ZBTB20: variants seen among roughly 807,000 people sequenced by gnomAD.
ZBTB20 encodes the protein zinc finger and BTB domain-containing protein 20.
Under a neutral mutation model 56.9 loss-of-function variants are expected in ZBTB20, and 9 were observed. That is an observed-to-expected ratio of 0.16 (90% CI 0.10 to 0.28). ZBTB20 has a LOEUF of 0.28. ZBTB20 is among the 10% of genes least tolerant of loss of function. The pLI, the probability that ZBTB20 is intolerant of heterozygous loss-of-function variation, is 1.00. For synonymous variants in ZBTB20, 417 were observed against 420.7 expected (o/e 0.99, Z 0.11); for missense variants, 655 against 1,003.0 (o/e 0.65, Z 4.69).
chr3:114,842,830 G>T (rs939959113), intron 4 of ZBTB20, among the ~76,000 whole-genome samples: 1 of 152,138 alleles, frequency 6.6e-6, no homozygotes, highest in Non-Finnish European at 1.5e-5. Context: ...GATCCAAAAA[G>T]AATGAATCTC....
intron 3 of ZBTB20, among the ~76,000 whole-genome samples, chr3:114,939,065 T>C (rs1576376630): frequency 6.9e-6 from 1 of 145,504 alleles, no homozygotes; most frequent in Admixed American, 6.6e-5. Flanking sequence ...TCAGGGTGAA[T>C]GTTGTGGTGG....
At chr3:114,624,241 G>C (rs2058512092) in intron 6 of ZBTB20, 1 of 151,928 alleles carries the variant, frequency 6.6e-6, no homozygotes, top group Admixed American at 6.6e-5. Context: ...GTGTTCCAGA[G>C]TGCTGAAGCA....
Position 114,811,702 on chromosome 3 carries a change from A to C in ZBTB20, c.-416-10528T>G, listed in dbSNP as rs144410255. Among the ~76,000 whole-genome samples the C allele has an allele frequency of 2.4e-4, 36 of 152,352 alleles. No individual in the cohort carries two copies. The East Asian group carries it at 6.9e-3, about 29-fold the overall frequency. The stretch of plus-strand genomic sequence containing the variant: ...TCTCATTAAAGTGTCATAACCTTTA[A>C]TCTAGGAACCCGTAATAGTAAAGAT... On this transcript the variant is annotated intron_variant, in intron 4 of 11. Transcript: ENST00000675478.
chr3:114,988,182 G>A (rs1234349396), intron 2 of ZBTB20, among the ~76,000 whole-genome samples: 25 of 147,420 alleles, frequency 1.7e-4, no homozygotes, highest in South Asian at 8.7e-4. Context: ...GTACCATGTT[G>A]GTGTGCTGCA....
At chr3:114,466,679 A>G (rs1384327990) in intron 7 of ZBTB20, among the ~76,000 whole-genome samples, 3 of 152,226 alleles carry the variant, frequency 2.0e-5, no homozygotes, top group Non-Finnish European at 4.4e-5. Context: ...CCAAATCACA[A>G]CACATGTGCA....
chr3:114,444,954 C>A (rs1455875984), intron 7 of ZBTB20, among the ~76,000 whole-genome samples: 1 of 152,084 alleles, frequency 6.6e-6, no homozygotes, highest in African/African-American at 2.4e-5. Flanking sequence ...ACCAGATATT[C>A]CAATATTCCA....
chr3:115,125,348 A>T (rs2084299564), intron 1 of ZBTB20, among the ~76,000 whole-genome samples: 1 of 106,476 alleles, frequency 9.4e-6, no homozygotes, highest in Non-Finnish European at 2.0e-5. Context: ...GCCTCAAATA[A>T]AAAAAAAAAA....
chr3:114,463,310 T>C (rs1425877224), intron 7 of ZBTB20, among the ~76,000 whole-genome samples: 1 of 152,194 alleles, frequency 6.6e-6, no homozygotes, highest in Non-Finnish European at 1.5e-5. Context: ...GTACGGTAGC[T>C]TGAATATTTT....
At chr3:114,769,896 T>C (rs553914944) in intron 5 of ZBTB20, among the ~76,000 whole-genome samples, 2 of 151,178 alleles carry the variant, frequency 1.3e-5, no homozygotes, top group South Asian at 4.2e-4. Flanking sequence ...CTGTCTCTAA[T>C]AAAAATACAA....
intron 2 of ZBTB20, among the ~76,000 whole-genome samples, chr3:115,036,906 T>C (rs2080948211): frequency 6.6e-6 from 1 of 152,094 alleles, no homozygotes; most frequent in Admixed American, 6.5e-5. Flanking sequence ...ACCAAGAACA[T>C]TCCCCCTAGC....
Position 114,522,287 on chromosome 3 carries a change from T to G in ZBTB20, c.-294-21896A>C, listed in dbSNP as rs1405280167. On this transcript the variant is annotated intron_variant, in intron 6 of 11. Transcript: ENST00000675478. The stretch of plus-strand genomic sequence containing the variant: ...CATTTAAGGCGGTCAGAAAAGCAAG[T>G]GCAAATGTGAAATCATGCATGGTAG... Among the ~76,000 whole-genome samples, 3 of 151,538 alleles carry G rather than the reference T, an allele frequency of 2.0e-5. No homozygotes were observed. In the East Asian group the frequency reaches 5.8e-4, roughly 29 times the overall value.
At chr3:114,840,542 T>G (rs2074337525) in intron 4 of ZBTB20, among the ~76,000 whole-genome samples, 1 of 152,166 alleles carries the variant, frequency 6.6e-6, no homozygotes, top group Non-Finnish European at 1.5e-5. Context: ...AATAGAGAAA[T>G]AATGAAAAAG....
intron 6 of ZBTB20, among the ~76,000 whole-genome samples, chr3:114,551,058 A>T (rs1046870912): frequency 1.3e-5 from 2 of 152,154 alleles, no homozygotes; most frequent in East Asian, 1.9e-4. Context: ...GCCAAAATAA[A>T]TTTTTTTAAA....
At chr3:114,950,662 C>T (rs1301865578) in intron 3 of ZBTB20, among the ~76,000 whole-genome samples, 5 of 152,118 alleles carry the variant, frequency 3.3e-5, no homozygotes, top group Non-Finnish European at 7.4e-5. Flanking sequence ...TATCACTCCT[C>T]AGCATATATC....
rs769787849 is a variant in ZBTB20, at chr3:114,320,053, C to G, written c.*18952G>C. 4 of 152,126 alleles carry G rather than the reference C, an allele frequency of 2.6e-5. No individual in the cohort carries two copies. Among genetic ancestry groups the G allele is most frequent in the African/African-American group, 7.2e-5 (3 of 41,424 alleles). The allele number at this position is 152,126 out of a possible 1,614,324, so 9.4% of individuals were successfully genotyped here. Reference sequence around the variant, plus strand: ...CAAGATCTCTGCTCTCAGAGGAATGCTCTGTTTTCTCCATCCCCATTGAAC... The same window carrying G: ...CAAGATCTCTGCTCTCAGAGGAATGGTCTGTTTTCTCCATCCCCATTGAAC... On this transcript the variant is annotated 3_prime_UTR_variant, in exon 12 of 12. Coordinates refer to ENST00000675478, the MANE Select transcript of ZBTB20 (RefSeq NM_001348800.3).
chr3:114,386,622 C>A (rs1196154450), intron 8 of ZBTB20, among the ~76,000 whole-genome samples: 1 of 152,122 alleles, frequency 6.6e-6, no homozygotes, highest in Non-Finnish European at 1.5e-5. Flanking sequence ...CCTCTCTCTT[C>A]CCCCACTTTC....
intron 1 of ZBTB20, among the ~76,000 whole-genome samples, chr3:115,079,427 C>T (rs1004406688): frequency 4.6e-5 from 7 of 152,112 alleles, no homozygotes; most frequent in Non-Finnish European, 7.4e-5. Context: ...CTCCCTCTGT[C>T]ACCCAGGCTG....
intron 6 of ZBTB20, among the ~76,000 whole-genome samples, chr3:114,619,495 G>A (rs1258551794): frequency 6.6e-6 from 1 of 151,856 alleles, no homozygotes; most frequent in African/African-American, 2.4e-5. Flanking sequence ...ACAATATTTT[G>A]GGTTTTTTTT....
At chr3:115,069,501 G>A (rs1378799595) in intron 2 of ZBTB20, among the ~76,000 whole-genome samples, 1 of 152,036 alleles carries the variant, frequency 6.6e-6, no homozygotes, top group Non-Finnish European at 1.5e-5. Context: ...TACACATAGC[G>A]CTTTTACTTA....
Sources: gnomAD v4.1 joint callset for allele counts (sites outside exome capture counted in the v4.1 genomes callset) on GRCh38, gnomAD v4.1.1 for gene constraint, MANE v1.5 for transcripts, NCBI Gene and HGNC (gene_info 2026-07-23, HGNC 2026-07-21) for gene names.